KRT72: variants seen among roughly 807,000 people sequenced by gnomAD.
The protein encoded by KRT72 is keratin, type II cytoskeletal 72.
In KRT72, 44 loss-of-function variants were observed where a neutral mutation model predicts 44.7. The observed-to-expected ratio is 0.98, with a 90% CI of 0.77 to 1.27. The LOEUF is 1.27. KRT72 is among the 50% of genes most tolerant of loss of function. The probability of loss-of-function intolerance (pLI) is 0.00; values close to 1 mark genes in which losing one functional copy is unlikely to be tolerated. For missense variants in KRT72, 736 were observed against 667.1 expected, an observed-to-expected ratio of 1.10 and a Z score of -1.14; for synonymous variants, 302 against 280.4, an observed-to-expected ratio of 1.08 and a Z score of -0.77.
upstream of KRT72, chr12:52,601,530 C>T (rs182377274): frequency 3.1e-4 from 447 of 1,430,444 alleles, no homozygotes; most frequent in African/African-American, 5.7e-3. Flanking sequence ...CCCAGCTCGC[C>T]CCTTAAATAG....
rs1435528216 is a variant in KRT72, at chr12:52,592,464, C to A, written c.730G>T (p.Val244Phe). 4 of 1,613,988 alleles carry A rather than the reference C, an allele frequency of 2.5e-6. No individual in the cohort carries two copies. In the African/African-American group the frequency reaches 4.0e-5, roughly 16 times the overall value. ...GAGTCCACCTTGGCCTGGAGCTCAA[C>A]CTTATTCATGTAAGCAGCATCCACG... Reference protein sequence around the residue: ...KDVDAAYMNKVELQAKVDSLT... With the variant: ...KDVDAAYMNKFELQAKVDSLT... The change falls in exon 4 of 9, where the codon GTT becomes TTT. Residue 244 changes from valine (V) to phenylalanine (F), a missense_variant. By Grantham distance (50) the Val-to-Phe change is conservative (BLOSUM62 -1). Coordinates refer to ENST00000293745, the MANE Select transcript of KRT72 (RefSeq NM_080747.3).
chr12:52,597,848 G>T (rs1940272308), intron 2 of KRT72, among the ~76,000 whole-genome samples: 1 of 152,180 alleles, frequency 6.6e-6, no homozygotes, highest in Non-Finnish European at 1.5e-5. Flanking sequence ...TAAAACTAAA[G>T]TTCACAGAGG....
chr12:52,592,435 C>T lies in KRT72; in HGVS notation c.759G>A (p.Leu253=). 6.2e-7 allele frequency: 1 copy of T among 1,614,100 alleles called. No homozygotes were observed. Among genetic ancestry groups the T allele is most frequent in the Non-Finnish European group, 8.5e-7 (1 of 1,179,956 alleles). The change falls in exon 4 of 9, where the codon TTG becomes TTA. Residue 253 remains leucine (L), a synonymous_variant. Coordinates refer to ENST00000293745, the MANE Select transcript of KRT72 (RefSeq NM_080747.3). ...ACTTGAAGAATTTAATCTCATCTGT[C>T]AAGGAGTCCACCTTGGCCTGGAGCT... ...KVELQAKVDS[L]TDEIKFFKCL... is the part of the protein sequence containing the mutation.
chr12:52,588,922 C>T (rs1462422395), intron 6 of KRT72, among the ~76,000 whole-genome samples: 1 of 151,966 alleles, frequency 6.6e-6, no homozygotes, highest in Non-Finnish European at 1.5e-5. Context: ...GTCACTTGAA[C>T]CCAGGAGACA....
chr12:52,585,974 C>G lies in KRT72; in HGVS notation c.*8G>C, dbSNP rs1393860457. 6.2e-7 allele frequency: 1 copy of G among 1,610,008 alleles called. No individual in the cohort carries two copies. The highest frequency in any genetic ancestry group is 8.5e-7 in the Non-Finnish European group (1 of 1,177,314). ...AGCCTTCTGCTCACAGAGCCAACCA[C>G]TTGTCCATCATCTGGAGGCCTTTTT... On this transcript the variant is annotated 3_prime_UTR_variant, in exon 9 of 9. Transcript: ENST00000293745.
In KRT72 at chr12:52,601,432, A is replaced by T. The variant is rs1940456281; in HGVS notation, c.21T>A (p.His7Gln). The T allele has an allele frequency of 5.2e-6, 8 of 1,538,628 alleles. No homozygotes were observed. The highest frequency in any genetic ancestry group is 7.0e-6 in the Non-Finnish European group (8 of 1,147,224). ...AGCCCAGGCGCTCCCCGCGGGGGAA[A>T]TGGGTCAGTTGGCGGCTCATGGCTC... MSRQLT[H>Q]FPRGERLGFS... The change falls in exon 1 of 9, where the codon CAT becomes CAA. Residue 7 changes from histidine to glutamine, a missense_variant. By Grantham distance (24) the His-to-Gln change is conservative (BLOSUM62 0). Transcript: ENST00000293745.
At chr12:52,594,331 T>C (rs940295198) in intron 2 of KRT72, among the ~76,000 whole-genome samples, 1 of 152,184 alleles carries the variant, frequency 6.6e-6, no homozygotes, top group African/African-American at 2.4e-5. Flanking sequence ...GTGGCACTAT[T>C]CAGAATAGCA....
At chr12:52,591,020 C>T in intron 5 of KRT72, 59 bp from the exon 6 acceptor site, 2 of 1,470,810 alleles carry the variant, frequency 1.4e-6, no homozygotes, top group Middle Eastern at 1.9e-4. Flanking sequence ...AGGGCAGGTC[C>T]CTTTTCTTCT....
chr12:52,593,103 C>T, intron 2 of KRT72, 151 bp from the exon 3 acceptor site: 2 of 596,672 alleles, frequency 3.4e-6, no homozygotes, highest in Non-Finnish European at 5.7e-6. Context: ...TAAGAGGATG[C>T]AGGCAAGGAC....
At position 52,601,182 on chromosome 12, in the gene KRT72, C is replaced by A; in HGVS notation, c.271G>T (p.Val91Leu). ...TGAGGGATGCCCCCGGGTGGGCACA[C>A]GGAGGGACACTTGGGCCCCAGCCCG... ...SAGLGPKCPS[V>L]CPPGGIPQVT... The change falls in exon 1 of 9, where the codon GTG (valine) becomes TTG (leucine). Residue 91 changes from valine (V) to leucine (L), a missense_variant. By Grantham distance (32) the Val-to-Leu change is conservative. Coordinates refer to ENST00000293745, the MANE Select transcript of KRT72 (RefSeq NM_080747.3). The A allele has an allele frequency of 6.2e-7, 1 of 1,612,996 alleles. No individual in the cohort carries two copies. The highest frequency in any genetic ancestry group is 8.5e-7 in the Non-Finnish European group (1 of 1,179,440).
At chr12:52,589,144 A>C (rs1939898051) in intron 6 of KRT72, among the ~76,000 whole-genome samples, 1 of 152,096 alleles carries the variant, frequency 6.6e-6, no homozygotes, top group Admixed American at 6.5e-5. Flanking sequence ...CCCTCAGCTA[A>C]GGTTTTGGTG....
intron 2 of KRT72, among the ~76,000 whole-genome samples, chr12:52,597,409 G>A (rs1011119341): frequency 6.6e-6 from 1 of 152,132 alleles, no homozygotes; most frequent in African/African-American, 2.4e-5. Context: ...TAAGAGAGAT[G>A]CAAAAACCTG....
In KRT72 at chr12:52,587,785, G is replaced by C; in HGVS notation, c.1156C>G (p.Arg386Gly). ...CCCTCCAGCTCATCCAGCTTGGCCC[G>C]GGCATCTTTCAGGGCGCAGTCCCCC... ...QRGDCALKDA[R>G]AKLDELEGAL... The change falls in exon 7 of 9, where the codon CGG (arginine) becomes GGG (glycine). Residue 386 changes from arginine to glycine, a missense_variant. Arg to Gly is a moderately radical substitution (Grantham distance 125, BLOSUM62 -2). Transcript: ENST00000293745. 1 of 1,614,176 alleles carries C rather than the reference G, an allele frequency of 6.2e-7. No individual in the cohort carries two copies. The highest frequency in any genetic ancestry group is 1.3e-5 in the African/African-American group (1 of 75,048).
chr12:52,593,530 C>T (rs564327913), intron 2 of KRT72, among the ~76,000 whole-genome samples: 1 of 152,264 alleles, frequency 6.6e-6, no homozygotes, highest in African/African-American at 2.4e-5. Flanking sequence ...ATTTAAAGAG[C>T]TTACCTCTTC....
At position 52,590,846 on chromosome 12, in the gene KRT72, A is replaced by C. The variant is rs1340887375; in HGVS notation, c.1079T>G (p.Val360Gly). Residue 360 changes from valine to glycine, a missense_variant, in exon 6 of 9, where the codon GTG becomes GGG. Val to Gly is a moderately radical substitution (Grantham distance 109). Transcript: ENST00000293745. ...IQRIRSEIGN[V>G]KKQCADLETA... Reference sequence around the variant, plus strand: ...TTTCATAGAACCCACCTGCTTCTTCACATTCCCTATCTCTGAGCGGATCCT... The same window carrying C: ...TTTCATAGAACCCACCTGCTTCTTCCCATTCCCTATCTCTGAGCGGATCCT... The C allele has an allele frequency of 1.9e-6, 3 of 1,576,414 alleles. No homozygotes were observed. The highest frequency in any genetic ancestry group is 1.7e-6 in the Non-Finnish European group (2 of 1,153,446).
At position 52,601,257 on chromosome 12, in the gene KRT72, G is replaced by T; in HGVS notation, c.196C>A (p.Arg66=). The part of the protein sequence containing the change: ...RSLALSAAAR[R]GGGRLGGFVG... The stretch of plus-strand genomic sequence containing the variant: ...AAGCCGCCCAGGCGGCCGCCGCCCC[G>T]CCGTGCAGCAGCGCTGAGCGCCAGG... Residue 66 remains arginine (R), a synonymous_variant, in exon 1 of 9, where the codon CGG becomes AGG. Coordinates refer to ENST00000293745, the MANE Select transcript of KRT72 (RefSeq NM_080747.3). 1 of 1,563,166 alleles carries T rather than the reference G, an allele frequency of 6.4e-7. No homozygotes were observed.
intron 2 of KRT72, among the ~76,000 whole-genome samples, chr12:52,593,174 TG>T (rs1940114131): frequency 6.6e-6 from 1 of 152,226 alleles, no homozygotes; most frequent in Admixed American, 6.5e-5. Context: ...TAAAACTACC[TG>T]CCTCAGAGAG....
Position 52,587,680 on chromosome 12 carries a change from C to A in KRT72, c.1261G>T (p.Asp421Tyr), listed in dbSNP as rs1457116760. 8 of 1,614,084 alleles carry A rather than the reference C, an allele frequency of 5.0e-6. No individual in the cohort carries two copies. The Admixed American group carries it at 1.2e-4, about 24-fold the overall frequency. Residue 421 changes from aspartate (D) to tyrosine (Y), a missense_variant, in exon 7 of 9, where the codon GAT (aspartate) becomes TAT (tyrosine). Coordinates refer to ENST00000293745, the MANE Select transcript of KRT72 (RefSeq NM_080747.3). ...TTGCGGTAGGTGGCGATCTCCATAT[C>A]CAGGGCCAGCTTCAGGCTCACGAGC... ...QELVSLKLALDMEIATYRKLL... is the reference protein window; with the variant it reads ...QELVSLKLALYMEIATYRKLL...
intron 5 of KRT72, 71 bp downstream of exon 5, chr12:52,591,393 T>A: frequency 6.8e-7 from 1 of 1,472,064 alleles, no homozygotes; most frequent in Non-Finnish European, 9.4e-7. Flanking sequence ...CACACACACG[T>A]ACACATGCAC....
Sources: gnomAD v4.1 joint callset for allele counts (sites outside exome capture counted in the v4.1 genomes callset) on GRCh38, gnomAD v4.1.1 for gene constraint, MANE v1.5 for transcripts, NCBI Gene and HGNC (gene_info 2026-07-23, HGNC 2026-07-21) for gene names.